The following NEBL variants were observed in gnomAD, a reference collection of about 807,000 sequenced individuals.
NEBL encodes LIM and SH3 protein 2.
Under a neutral mutation model 140.2 loss-of-function variants are expected in NEBL, and 122 were observed. That is an observed-to-expected ratio of 0.87 (90% confidence interval 0.75 to 1.01). NEBL has a LOEUF of 1.01. Among genes scored for constraint, NEBL ranks in the 50% least tolerant of loss-of-function variants. NEBL has a pLI of 0.00. For missense variants in NEBL, 1,365 were observed against 1,231.3 expected (o/e 1.11, Z -1.62); for synonymous variants, 436 against 398.9 (o/e 1.09, Z -1.11).
chr10:21,224,587 G>T (rs1233656310), intron 3 of NEBL, among the ~76,000 whole-genome samples: 2 of 152,024 alleles, frequency 1.3e-5, no homozygotes, highest in Non-Finnish European at 2.9e-5. Flanking sequence ...CATTTATTCT[G>T]CAGATTGCTT....
chr10:20,905,846 G>A lies in NEBL; in HGVS notation c.357+55826C>T, dbSNP rs142908049. On this transcript the variant is annotated intron_variant, in intron 4 of 6. Transcript: ENST00000417816. ...GGATGTCAGGGGAGAGCTACATGAC[G>A]GAAATGTATAGAAATCACTTATCCT... is the stretch of plus-strand genomic sequence containing the variant. Among the ~76,000 whole-genome samples the A allele has an allele frequency of 2.1e-3, 313 of 152,234 alleles. 2 individuals carry two copies. The highest frequency in any genetic ancestry group is 5.2e-3 in the African/African-American group (218 of 41,552).
At chr10:21,061,374 GTTT>G (rs1835292038) in intron 2 of NEBL, among the ~76,000 whole-genome samples, 2 of 120,796 alleles carry the variant, frequency 1.7e-5, no homozygotes, top group African/African-American at 3.2e-5. Context: ...TCAGATTTAT[GTTT>G]TATATCATAT....
chr10:21,245,611 A>G (rs1842506330), intron 3 of NEBL, among the ~76,000 whole-genome samples: 1 of 152,094 alleles, frequency 6.6e-6, no homozygotes. Flanking sequence ...GGCTCACTGC[A>G]ACCTCCACCT....
intron 3 of NEBL, among the ~76,000 whole-genome samples, chr10:21,244,149 A>T (rs1169596838): frequency 6.6e-6 from 1 of 151,962 alleles, no homozygotes; most frequent in Non-Finnish European, 1.5e-5. Context: ...TGAATGTCAC[A>T]ACTTTCCACT....
chr10:21,067,480 G>A (rs118163915), intron 2 of NEBL, among the ~76,000 whole-genome samples: 1 of 152,164 alleles, frequency 6.6e-6, no homozygotes, highest in Non-Finnish European at 1.5e-5. Context: ...AAAGCAGGAG[G>A]AGGGAGGAGA....
chr10:21,114,964 G>A (rs1349274069), intron 2 of NEBL, among the ~76,000 whole-genome samples: 1 of 151,512 alleles, frequency 6.6e-6, no homozygotes, highest in African/African-American at 2.4e-5. Context: ...TTTCCAAGCT[G>A]TTCTTTGTTC....
chr10:20,949,534 G>A (rs1190371962), intron 4 of NEBL, among the ~76,000 whole-genome samples: 1 of 152,104 alleles, frequency 6.6e-6, no homozygotes, highest in Non-Finnish European at 1.5e-5. Flanking sequence ...CACGGCCAGA[G>A]TTTCACTTTC....
intron 2 of NEBL, among the ~76,000 whole-genome samples, chr10:21,085,442 T>C (rs903761945): frequency 2.6e-5 from 4 of 152,056 alleles, no homozygotes; most frequent in Admixed American, 6.6e-5. Flanking sequence ...GGCAACAAAA[T>C]GAGAACCTGT....
At chr10:20,882,104 G>C (rs1846062519) in intron 4 of NEBL, among the ~76,000 whole-genome samples, 1 of 152,050 alleles carries the variant, frequency 6.6e-6, no homozygotes, top group Admixed American at 6.6e-5. Flanking sequence ...CCTGATCCCA[G>C]GAGGTCGAGG....
chr10:21,082,789 G>C (rs1310079995), intron 2 of NEBL, among the ~76,000 whole-genome samples: 1 of 106,302 alleles, frequency 9.4e-6, no homozygotes, highest in Admixed American at 1.2e-4. Flanking sequence ...TTGAGACAGA[G>C]TCTCACTCTG....
chr10:21,067,971 G>T (rs987396966), intron 2 of NEBL, among the ~76,000 whole-genome samples: 2 of 123,066 alleles, frequency 1.6e-5, no homozygotes, highest in African/African-American at 4.9e-5. Context: ...ACAAGATGCC[G>T]TCTCAAAGAA....
intron 4 of NEBL, among the ~76,000 whole-genome samples, chr10:20,937,897 C>A (rs372202310): frequency 1.3e-5 from 2 of 152,150 alleles, no homozygotes; most frequent in Admixed American, 6.5e-5. Context: ...GGAGGAGGGG[C>A]GCCCGCCATT....
At chr10:21,214,986 C>A (rs1841969829) in intron 3 of NEBL, among the ~76,000 whole-genome samples, 1 of 152,148 alleles carries the variant, frequency 6.6e-6, no homozygotes, top group Non-Finnish European at 1.5e-5. Context: ...TGAAGCCCTC[C>A]CTGTGCCACC....
rs1442882708 is a variant in NEBL, at chr10:20,784,571, A to G, written c.*1176T>C. On this transcript the variant is annotated 3_prime_UTR_variant, in exon 28 of 28. Coordinates refer to ENST00000377122, the MANE Select transcript of NEBL (RefSeq NM_006393.3). ...GCTAGATTTCCATTCCAGAATTTGA[A>G]TACCATTTTCCAAAAGAAGATACCA... 1.3e-5 allele frequency: 2 copies of G among 152,220 alleles called. No individual in the cohort carries two copies. The highest frequency in any genetic ancestry group is 2.9e-5 in the Non-Finnish European group (2 of 68,020). 9.4% of individuals were successfully genotyped at this position (152,220 alleles called of 1,614,324 possible). A position where few individuals can be genotyped will look rare whatever the true frequency, so the allele number is the denominator to read the frequency against.
intron 3 of NEBL, among the ~76,000 whole-genome samples, chr10:21,008,609 A>G: frequency 6.6e-6 from 1 of 152,022 alleles, no homozygotes; most frequent in Non-Finnish European, 1.5e-5. Context: ...ATACCACCTT[A>G]CTCCTGCAAG....
At chr10:21,187,146 T>C (rs1841487630) in intron 3 of NEBL, among the ~76,000 whole-genome samples, 1 of 152,112 alleles carries the variant, frequency 6.6e-6, no homozygotes, top group Non-Finnish European at 1.5e-5. Context: ...CATACACACA[T>C]GCACACGTCT....
At chr10:21,186,650 A>G (rs918932802) in intron 3 of NEBL, among the ~76,000 whole-genome samples, 1 of 151,676 alleles carries the variant, frequency 6.6e-6, no homozygotes, top group African/African-American at 2.4e-5. Flanking sequence ...CATTATGAGA[A>G]TTGTTTGCGA....
intron 3 of NEBL, among the ~76,000 whole-genome samples, chr10:21,183,081 G>C (rs1409279886): frequency 6.6e-6 from 1 of 152,168 alleles, no homozygotes; most frequent in Non-Finnish European, 1.5e-5. Context: ...ACTCTGAAGG[G>C]TTCCAGGCAG....
chr10:20,906,488 A>T (rs575168656), intron 4 of NEBL, among the ~76,000 whole-genome samples: 129 of 152,328 alleles, frequency 8.5e-4, no homozygotes, highest in African/African-American at 3.1e-3. Context: ...ATCAAAATAA[A>T]ATTATAATTA....
Sources: allele counts gnomAD v4.1 joint callset (sites outside exome capture counted in the v4.1 genomes callset), GRCh38; gene constraint gnomAD v4.1.1; transcripts MANE v1.5; gene names NCBI Gene and HGNC (gene_info 2026-07-23, HGNC 2026-07-21).